Variants in DLG2 observed in about 807,000 individuals in gnomAD.
DLG2 encodes disks large homolog 2.
Under a neutral mutation model 132.5 loss-of-function variants are expected in DLG2, and 45 were observed. The observed-to-expected ratio is 0.34, with a 90% CI of 0.27 to 0.44. The LOEUF (loss-of-function observed/expected upper bound fraction) is 0.44, where lower values mean the gene tolerates loss of function less well. Among genes scored for constraint, DLG2 ranks in the 20% least tolerant of loss-of-function variants. The probability of loss-of-function intolerance (pLI) is 1.00; values close to 1 mark genes in which losing one functional copy is unlikely to be tolerated. For synonymous variants in DLG2, 424 were observed against 419.6 expected (o/e 1.01, Z -0.13); for missense variants, 1,045 against 1,196.9 (o/e 0.87, Z 1.87).
chr11:84,336,674 A>G (rs768765898), intron 7 of DLG2, among the ~76,000 whole-genome samples: 7 of 152,118 alleles, frequency 4.6e-5, no homozygotes, highest in Non-Finnish European at 7.3e-5. Flanking sequence ...CAGCAACCAC[A>G]TTAAATGGCC....
At chr11:84,779,273 T>C (rs901224086) in intron 6 of DLG2, among the ~76,000 whole-genome samples, 2 of 152,118 alleles carry the variant, frequency 1.3e-5, no homozygotes, top group Non-Finnish European at 2.9e-5. Flanking sequence ...TGGAGAACCC[T>C]AATATAACTT....
At chr11:84,908,625 G>A (rs1249152330) in intron 6 of DLG2, among the ~76,000 whole-genome samples, 7 of 151,810 alleles carry the variant, frequency 4.6e-5, no homozygotes, top group African/African-American at 1.7e-4. Flanking sequence ...AGACCTCATC[G>A]GAAAGAAAGA....
At chr11:85,424,802 C>T (rs895060725) in intron 3 of DLG2, among the ~76,000 whole-genome samples, 9 of 152,036 alleles carry the variant, frequency 5.9e-5, no homozygotes, top group African/African-American at 2.2e-4. Context: ...TGTGAGGATA[C>T]AAGGGAAAAA....
intron 21 of DLG2, among the ~76,000 whole-genome samples, chr11:83,513,822 A>G (rs551374211): frequency 1.3e-5 from 2 of 152,292 alleles, no homozygotes; most frequent in South Asian, 2.1e-4. Context: ...CAGGTTTGTC[A>G]AAGATCAGAT....
At chr11:84,006,755 G>T (rs1293275053) in intron 11 of DLG2, among the ~76,000 whole-genome samples, 1 of 150,932 alleles carries the variant, frequency 6.6e-6, no homozygotes, top group Non-Finnish European at 1.5e-5. Flanking sequence ...TCTCAAATTT[G>T]CCTTTTTTCT....
chr11:85,079,503 T>G (rs2066973571), intron 6 of DLG2, among the ~76,000 whole-genome samples: 1 of 133,232 alleles, frequency 7.5e-6, no homozygotes, highest in Non-Finnish European at 1.7e-5. Flanking sequence ...TTTTTTTTTT[T>G]TGGTTTACCT....
chr11:84,932,057 A>T (rs891818708), intron 6 of DLG2, among the ~76,000 whole-genome samples: 1 of 151,978 alleles, frequency 6.6e-6, no homozygotes, highest in African/African-American at 2.4e-5. Context: ...TTTTTCTCCC[A>T]TTCTGTAGGT....
At chr11:85,170,743 A>G (rs144245799) in intron 4 of DLG2, among the ~76,000 whole-genome samples, 1 of 152,282 alleles carries the variant, frequency 6.6e-6, no homozygotes, top group East Asian at 1.9e-4. Flanking sequence ...AAGTAGGAAA[A>G]TGCATTGCAA....
At chr11:85,008,872 A>C (rs1293816406) in intron 6 of DLG2, among the ~76,000 whole-genome samples, 2 of 152,110 alleles carry the variant, frequency 1.3e-5, no homozygotes, top group Non-Finnish European at 2.9e-5. Flanking sequence ...AAAAGAAAAT[A>C]ATTATAGAGA....
At chr11:84,717,362 A>G (rs2061348501) in intron 6 of DLG2, among the ~76,000 whole-genome samples, 1 of 152,066 alleles carries the variant, frequency 6.6e-6, no homozygotes, top group African/African-American at 2.4e-5. Context: ...AAAAGATTCA[A>G]TGAAAATCCT....
chr11:85,244,845 T>C (rs958772762), intron 4 of DLG2, among the ~76,000 whole-genome samples: 1 of 151,950 alleles, frequency 6.6e-6, no homozygotes, highest in African/African-American at 2.4e-5. Context: ...TTTAGAATAA[T>C]TAGAACTCTT....
intron 11 of DLG2, among the ~76,000 whole-genome samples, chr11:84,016,754 T>C (rs1321019411): frequency 2.6e-5 from 4 of 152,142 alleles, no homozygotes; most frequent in African/African-American, 7.2e-5. Context: ...ACAATTATTA[T>C]TCTTATTTTG....
At chr11:85,218,989 C>T (rs761956134) in intron 4 of DLG2, among the ~76,000 whole-genome samples, 1 of 152,116 alleles carries the variant, frequency 6.6e-6, no homozygotes, top group Non-Finnish European at 1.5e-5. Flanking sequence ...AAACCAAATA[C>T]CACATGTTCT....
At chr11:83,877,772 C>T (rs755300330) in intron 15 of DLG2, among the ~76,000 whole-genome samples, 1 of 152,090 alleles carries the variant, frequency 6.6e-6, no homozygotes, top group African/African-American at 2.4e-5. Context: ...CCTGTGGACA[C>T]AAATGAATTT....
At chr11:85,182,199 G>C (rs534004939) in intron 4 of DLG2, among the ~76,000 whole-genome samples, 1 of 151,724 alleles carries the variant, frequency 6.6e-6, no homozygotes, top group African/African-American at 2.4e-5. Context: ...AATATCTTAC[G>C]AGGGAACTGT....
At chr11:84,040,235 T>A (rs1002315766) in intron 11 of DLG2, among the ~76,000 whole-genome samples, 4 of 151,818 alleles carry the variant, frequency 2.6e-5, no homozygotes, top group African/African-American at 9.7e-5. Context: ...TTAGATTCCA[T>A]TTGTCAATTT....
chr11:83,865,681 C>A (rs985634590), intron 16 of DLG2, among the ~76,000 whole-genome samples: 1 of 151,948 alleles, frequency 6.6e-6, no homozygotes, highest in Admixed American at 6.6e-5. Flanking sequence ...AATAGGCAAA[C>A]AAACACATAA....
chr11:83,799,592 C>A (rs1330454902), intron 17 of DLG2, among the ~76,000 whole-genome samples: 2 of 152,098 alleles, frequency 1.3e-5, no homozygotes. Flanking sequence ...CTTCTGGAAG[C>A]CAAACAGAGT....
intron 7 of DLG2, among the ~76,000 whole-genome samples, chr11:84,263,959 C>A (rs545635706): frequency 2.6e-5 from 4 of 152,074 alleles, no homozygotes; most frequent in Non-Finnish European, 5.9e-5. Context: ...GAACAGGGTA[C>A]AGGATATTTT....
Sources: allele counts gnomAD v4.1 joint callset (sites outside exome capture counted in the v4.1 genomes callset), GRCh38; gene constraint gnomAD v4.1.1; transcripts MANE v1.5; gene names NCBI Gene and HGNC (gene_info 2026-07-23, HGNC 2026-07-21).